FRMD3: variants seen among roughly 807,000 people sequenced by gnomAD.
FRMD3 encodes the protein FERM domain-containing protein 3.
In FRMD3, 33 loss-of-function variants were observed where a neutral mutation model predicts 70.2. That is an observed-to-expected ratio of 0.47 (90% CI 0.36 to 0.63). The LOEUF (loss-of-function observed/expected upper bound fraction) is 0.63. Among genes scored for constraint, FRMD3 ranks in the 20% least tolerant of loss-of-function variants. FRMD3 has a pLI of 0.00. For missense variants in FRMD3, 632 were observed against 711.4 expected (o/e 0.89, Z 1.27); for synonymous variants, 279 against 255.9 (o/e 1.09, Z -0.86).
chr9:83,339,189 G>A (rs1193672251), intron 5 of FRMD3, among the ~76,000 whole-genome samples: 5 of 152,202 alleles, frequency 3.3e-5, no homozygotes, highest in African/African-American at 1.2e-4. Flanking sequence ...GAAATGCTGT[G>A]AAGACTGCAC....
At chr9:83,559,012 T>C in the FRMD3 span, among the ~76,000 whole-genome samples, 6 of 152,324 alleles carry the variant, frequency 3.9e-5, no homozygotes, top group South Asian at 1.2e-3. Context: ...GATATGGACT[T>C]TACTTCAGGT....
At position 83,490,796 on chromosome 9, in the gene FRMD3, T is replaced by TCACACACA. The variant is rs1217910906; in HGVS notation, c.147+47288_147+47289insTGTGTGTG. On this transcript the variant is annotated intron_variant, in intron 1 of 13. Coordinates refer to ENST00000304195, the MANE Select transcript of FRMD3 (RefSeq NM_174938.6). Reference sequence around the variant, plus strand: ...CTCTCTCTCTCTCTCTCTCTCTCTCTCTCACACACACACACACACACACAC... The same window carrying TCACACACA: ...CTCTCTCTCTCTCTCTCTCTCTCTCTCACACACACTCACACACACACACACACACACAC... Among the ~76,000 whole-genome samples the TCACACACA allele has an allele frequency of 7.4e-3, 832 of 111,976 alleles. 4 individuals carry two copies. The highest frequency in any genetic ancestry group is 0.023 in the Middle Eastern group (5 of 220). The allele number at this position is 111,976 out of a possible 152,430, so 73.5% of individuals were successfully genotyped here. A position where few individuals can be genotyped will look rare whatever the true frequency, so the allele number is the denominator to read the frequency against.
intron 6 of FRMD3, among the ~76,000 whole-genome samples, chr9:83,317,986 A>C (rs1835650724): frequency 6.6e-6 from 1 of 152,228 alleles, no homozygotes; most frequent in African/African-American, 2.4e-5. Flanking sequence ...CCACGACTCC[A>C]ACCTCTGCAC....
intron 10 of FRMD3, among the ~76,000 whole-genome samples, chr9:83,308,322 G>A (rs1587706476): frequency 6.6e-6 from 1 of 152,278 alleles, no homozygotes; most frequent in Non-Finnish European, 1.5e-5. Context: ...TCCTTTACAT[G>A]CTGGACTTTG....
At chr9:83,514,105 AAGACAGAACTATTCACTCCCCT>A (rs1829399892) in intron 1 of FRMD3, among the ~76,000 whole-genome samples, 1 of 152,088 alleles carries the variant, frequency 6.6e-6, no homozygotes, top group Admixed American at 6.5e-5. Flanking sequence ...GAGCACCAAC[AAGACAGAACTATTCACTCCCCT>A]GGAAAGGGGG....
At chr9:83,362,341 A>G (rs1403498221) in intron 3 of FRMD3, among the ~76,000 whole-genome samples, 2 of 152,222 alleles carry the variant, frequency 1.3e-5, no homozygotes, top group Non-Finnish European at 2.9e-5. Context: ...GACTATCACC[A>G]TCAAAGTCAG....
chr9:83,293,185 A>G (rs1331453629), intron 12 of FRMD3, among the ~76,000 whole-genome samples: 1 of 151,602 alleles, frequency 6.6e-6, no homozygotes, highest in African/African-American at 2.4e-5. Context: ...GAGGGGAGGG[A>G]GGGAGGAAGG....
intron 1 of FRMD3, among the ~76,000 whole-genome samples, chr9:83,522,401 C>A (rs1179255915): frequency 6.6e-6 from 1 of 152,000 alleles, no homozygotes; most frequent in African/African-American, 2.4e-5. Context: ...GCTGGGGGGG[C>A]AGGGAGCTGT....
intron 1 of FRMD3, among the ~76,000 whole-genome samples, chr9:83,437,866 G>A (rs567078004): frequency 8.5e-5 from 13 of 152,272 alleles, no homozygotes; most frequent in Admixed American, 5.9e-4. Context: ...GAACATGCGC[G>A]TCACTGGCAG....
intron 1 of FRMD3, among the ~76,000 whole-genome samples, chr9:83,513,684 T>C (rs1433081182): frequency 6.6e-6 from 1 of 152,076 alleles, no homozygotes; most frequent in Non-Finnish European, 1.5e-5. Flanking sequence ...GAGGGCCAAA[T>C]AGGAACAGCT....
intron 1 of FRMD3, among the ~76,000 whole-genome samples, chr9:83,395,708 TG>T (rs1319874406): frequency 2.0e-5 from 3 of 152,110 alleles, no homozygotes; most frequent in Non-Finnish European, 4.4e-5. Flanking sequence ...ACAATAAATT[TG>T]TGCTTAAAGA....
chr9:83,491,056 C>A (rs1828813383), intron 1 of FRMD3, among the ~76,000 whole-genome samples: 1 of 152,142 alleles, frequency 6.6e-6, no homozygotes, highest in South Asian at 2.1e-4. Flanking sequence ...ATTGAAGTCT[C>A]TGTGAAGTCC....
intron 1 of FRMD3, among the ~76,000 whole-genome samples, chr9:83,398,286 T>C (rs1421243370): frequency 6.6e-6 from 1 of 152,230 alleles, no homozygotes; most frequent in Non-Finnish European, 1.5e-5. Flanking sequence ...TAACTGGCAT[T>C]CTTCCTATTG....
intron 1 of FRMD3, among the ~76,000 whole-genome samples, chr9:83,428,622 A>C (rs1189825956): frequency 6.6e-6 from 1 of 152,094 alleles, no homozygotes; most frequent in Non-Finnish European, 1.5e-5. Flanking sequence ...TATTTATACC[A>C]TGTATTAAGG....
intron 1 of FRMD3, among the ~76,000 whole-genome samples, chr9:83,527,298 T>A (rs1829704649): frequency 6.6e-6 from 1 of 152,098 alleles, no homozygotes; most frequent in African/African-American, 2.4e-5. Context: ...AAAAACAATC[T>A]CTCGATTTGG....
At chr9:83,508,894 T>C (rs942246706) in intron 1 of FRMD3, among the ~76,000 whole-genome samples, 1 of 152,144 alleles carries the variant, frequency 6.6e-6, no homozygotes, top group Non-Finnish European at 1.5e-5. Flanking sequence ...GTGTACTATC[T>C]GGTCTGTTAC....
rs201072989 is a variant in FRMD3, at chr9:83,501,576, A to T, written c.147+36509T>A. On this transcript the variant is annotated intron_variant, in intron 1 of 13. Transcript: ENST00000304195. Reference sequence around the variant, plus strand: ...TAATTACCTACATTTTTCCCACACAAAAATGATACAAATGTGTTGATAATT... The same window carrying T: ...TAATTACCTACATTTTTCCCACACATAAATGATACAAATGTGTTGATAATT... Among the ~76,000 whole-genome samples the T allele has an allele frequency of 4.6e-3, 703 of 152,332 alleles. 8 individuals are homozygous for T. Among genetic ancestry groups the T allele is most frequent in the African/African-American group, 0.016 (668 of 41,564 alleles).
At chr9:83,382,466 T>C (rs1419801876) in intron 2 of FRMD3, among the ~76,000 whole-genome samples, 2 of 152,204 alleles carry the variant, frequency 1.3e-5, no homozygotes, top group Non-Finnish European at 2.9e-5. Flanking sequence ...AGTATCCTTA[T>C]TTAATAGATG....
intron 1 of FRMD3, among the ~76,000 whole-genome samples, chr9:83,528,483 TG>T (rs1204798318): frequency 5.3e-5 from 8 of 152,256 alleles, no homozygotes; most frequent in East Asian, 1.9e-4. Context: ...GGTTTGGGTT[TG>T]TTTTTTTTAA....
Sources: allele counts gnomAD v4.1 joint callset (sites outside exome capture counted in the v4.1 genomes callset), GRCh38; gene constraint gnomAD v4.1.1; transcripts MANE v1.5; gene names NCBI Gene and HGNC (gene_info 2026-07-23, HGNC 2026-07-21).